The following TMEM65 variants were observed in gnomAD, a reference collection of about 807,000 sequenced individuals.
The protein encoded by TMEM65 is transmembrane protein 65.
A neutral mutation model predicts 25.4 loss-of-function variants in TMEM65; 22 were observed. That is an observed-to-expected ratio of 0.86 (90% CI 0.62 to 1.23). The LOEUF is 1.23. Ranked by LOEUF, TMEM65 falls within the 50% of genes most tolerant of loss-of-function variation. TMEM65 has a pLI of 0.00. For synonymous variants in TMEM65, 132 were observed against 126.2 expected (o/e 1.05, Z -0.31); for missense variants, 262 against 308.2 (o/e 0.85, Z 1.12).
At chr8:124,364,763 T>C (rs914077348) in intron 1 of TMEM65, among the ~76,000 whole-genome samples, 1 of 152,212 alleles carries the variant, frequency 6.6e-6, no homozygotes, top group Non-Finnish European at 1.5e-5. Flanking sequence ...TAACTACTTG[T>C]TTTTATGTGT....
chr8:124,333,289 T>C lies in TMEM65; in HGVS notation c.305-2497A>G, dbSNP rs185654890. 5.8e-3 allele frequency among the ~76,000 whole-genome samples: 881 copies of C among 151,956 alleles called. 8 individuals carry two copies. The highest frequency in any genetic ancestry group is 0.019 in the African/African-American group (768 of 41,418). On this transcript the variant is annotated intron_variant, in intron 1 of 6. Transcript: ENST00000297632. ...ACTGCCAGTATAACATCCCTGAAAA[T>C]AGTCACAATACATCCCAGAAGGTTT... is the stretch of plus-strand genomic sequence containing the variant.
At chr8:124,324,968 A>G (rs1040197303) in intron 3 of TMEM65, among the ~76,000 whole-genome samples, 3 of 152,030 alleles carry the variant, frequency 2.0e-5, no homozygotes, top group African/African-American at 7.2e-5. Context: ...AAGTAAAGTA[A>G]CCCAAAACTA....
Position 124,371,867 on chromosome 8 carries a change from AAT to A in TMEM65, c.289_290del (p.Ile97CysfsTer36). On this transcript the variant is annotated frameshift_variant, in exon 1 of 7. Transcript: ENST00000297632. LOFTEE classifies it high-confidence loss of function. ...LLKELHRFES[I>X]AIAQEKLEAP... Reference sequence around the variant, plus strand: ...TGCCCCCCTTACCTTGGGCAATGGCAATAGACTCGAAGCGGTGCAGCTCTTTG... The same window carrying A: ...TGCCCCCCTTACCTTGGGCAATGGCAAGACTCGAAGCGGTGCAGCTCTTTG... 6.5e-7 allele frequency: 1 copy of A among 1,539,796 alleles called. No homozygotes were observed. Among genetic ancestry groups the A allele is most frequent in the Non-Finnish European group, 8.7e-7 (1 of 1,148,854 alleles).
chr8:124,333,360 T>C (rs867246755), intron 1 of TMEM65, among the ~76,000 whole-genome samples: 1 of 151,868 alleles, frequency 6.6e-6, no homozygotes, highest in Non-Finnish European at 1.5e-5. Context: ...GAATTTTCTT[T>C]TGACATATAA....
chr8:124,344,421 A>G (rs1404069335), intron 1 of TMEM65, among the ~76,000 whole-genome samples: 2 of 152,222 alleles, frequency 1.3e-5, no homozygotes, highest in Non-Finnish European at 2.9e-5. Flanking sequence ...TGTCTCAAAC[A>G]TTAGCTACTA....
intron 1 of TMEM65, among the ~76,000 whole-genome samples, chr8:124,361,160 A>T (rs758157273): frequency 3.2e-4 from 49 of 152,370 alleles, no homozygotes; most frequent in Non-Finnish European, 5.7e-4. Context: ...TAGGCCGGGC[A>T]CAGTGGCTCA....
At chr8:124,352,879 C>A (rs1295144262) in intron 1 of TMEM65, among the ~76,000 whole-genome samples, 1 of 152,186 alleles carries the variant, frequency 6.6e-6, no homozygotes, top group African/African-American at 2.4e-5. Context: ...GTAATCCCAG[C>A]ATTTTAAGAG....
chr8:124,326,041 G>A (rs889100343), intron 3 of TMEM65, among the ~76,000 whole-genome samples: 1 of 151,874 alleles, frequency 6.6e-6, no homozygotes, highest in Non-Finnish European at 1.5e-5. Flanking sequence ...CACTTTTTCA[G>A]TAGTCTCCTA....
rs568742911 is a variant in TMEM65 at position 124,352,324 on chromosome 8, A to G, written c.304+19530T>C. On this transcript the variant is annotated intron_variant, in intron 1 of 6. Coordinates refer to ENST00000297632, the MANE Select transcript of TMEM65 (RefSeq NM_194291.3). ...TGCCTATAATAATGAAAAATGAATT[A>G]TTAATGAATTTGCATAAATCCAGAG... is the stretch of plus-strand genomic sequence containing the variant. Among the ~76,000 whole-genome samples the G allele has an allele frequency of 7.2e-4, 110 of 152,258 alleles. 1 individual carries two copies. The highest frequency in any genetic ancestry group is 2.4e-3 in the African/African-American group (101 of 41,562).
At position 124,328,402 on chromosome 8, in the gene TMEM65, TAA is replaced by T. The variant is rs11355050; in HGVS notation, c.350-983_350-982del. 5.0e-5 allele frequency among the ~76,000 whole-genome samples: 7 copies of T among 141,250 alleles called. No individual in the cohort carries two copies. The East Asian group carries it at 6.1e-4, about 12-fold the overall frequency. 92.7% of individuals were successfully genotyped at this position (141,250 alleles called of 152,430 possible). ...CTGGCAACAGAGCAAGACTCCATCT[TAA>T]AAAAAAAAAAAAATTGTAACTAGGA... On this transcript the variant is annotated intron_variant, in intron 2 of 6. Coordinates refer to ENST00000297632, the MANE Select transcript of TMEM65 (RefSeq NM_194291.3).
chr8:124,357,781 T>C (rs72711182), intron 1 of TMEM65, among the ~76,000 whole-genome samples: 4,641 of 149,950 alleles, frequency 0.031, 152 homozygotes, highest in East Asian at 0.1. Context: ...GGAAGAGAGG[T>C]TGGAGTCAGA....
chr8:124,357,557 T>G (rs1265200896), intron 1 of TMEM65, among the ~76,000 whole-genome samples: 1 of 152,142 alleles, frequency 6.6e-6, no homozygotes, highest in African/African-American at 2.4e-5. Flanking sequence ...GCACATTGAT[T>G]CCCCTTATTT....
intron 2 of TMEM65, 43 bp downstream of exon 2, chr8:124,330,704 CA>C: frequency 6.4e-7 from 1 of 1,569,908 alleles, no homozygotes; most frequent in Non-Finnish European, 8.7e-7. Context: ...ATTTCAAGGC[CA>C]AAAGACAGAT....
In TMEM65 at chr8:124,308,861, A is replaced by G. The variant is rs1814124539; in HGVS notation, c.*5099T>C. ...AAAGCAAATGGTGGAAGAAGGATTA[A>G]TACCATATATAGAAATATTTTGAGA... On this transcript the variant is annotated 3_prime_UTR_variant, in exon 7 of 7. Transcript: ENST00000297632. 6.6e-6 allele frequency: 1 copy of G among 152,256 alleles called. No homozygotes were observed. Among genetic ancestry groups the G allele is most frequent in the African/African-American group, 2.4e-5 (1 of 41,468 alleles). The allele number at this position is 152,256 out of a possible 1,614,324, so 9.4% of individuals were successfully genotyped here.
intron 1 of TMEM65, among the ~76,000 whole-genome samples, chr8:124,347,148 T>C (rs1285433399): frequency 1.3e-5 from 2 of 152,196 alleles, no homozygotes; most frequent in Non-Finnish European, 2.9e-5. Context: ...AAATGAATGT[T>C]AAGCTTTCTA....
chr8:124,328,986 T>C lies in TMEM65; in HGVS notation c.350-1565A>G, dbSNP rs183944012. Among the ~76,000 whole-genome samples, 1,414 of 152,064 alleles carry C rather than the reference T, an allele frequency of 9.3e-3. 30 individuals carry two copies. The highest frequency in any genetic ancestry group is 0.017 in the Middle Eastern group (5 of 292). On this transcript the variant is annotated intron_variant, in intron 2 of 6. Transcript: ENST00000297632. ...CCACGGGACAATACTATATACAGTA[T>C]AAGAATACTATTATATTCAATATTA... is the stretch of plus-strand genomic sequence containing the variant.
intron 1 of TMEM65, among the ~76,000 whole-genome samples, chr8:124,331,466 T>C (rs148841723): frequency 1.4e-3 from 188 of 134,474 alleles, no homozygotes; most frequent in African/African-American, 5.1e-3. Context: ...CACTGGATAA[T>C]AGGGTATTCC....
chr8:124,314,282 A>C (rs181184122), intron 6 of TMEM65, among the ~76,000 whole-genome samples: 76 of 152,310 alleles, frequency 5.0e-4, no homozygotes, highest in African/African-American at 1.7e-3. Flanking sequence ...CTGCATAGCC[A>C]CACATTTTCT....
chr8:124,323,247 C>T (rs979746801), intron 4 of TMEM65, 74 bp downstream of exon 4: 6 of 777,952 alleles, frequency 7.7e-6, no homozygotes, highest in Non-Finnish European at 1.2e-5. Flanking sequence ...ATAAATTACC[C>T]TCCTCTAAAC....
Sources: gnomAD v4.1 joint callset for allele counts (sites outside exome capture counted in the v4.1 genomes callset) on GRCh38, gnomAD v4.1.1 for gene constraint, MANE v1.5 for transcripts, NCBI Gene and HGNC (gene_info 2026-07-23, HGNC 2026-07-21) for gene names.